GPR21: variants seen among roughly 807,000 people sequenced by gnomAD.
The protein encoded by GPR21 is probable G protein-coupled receptor 21.
In GPR21, 9 loss-of-function variants were observed where a neutral mutation model predicts 21.5. That is an observed-to-expected ratio of 0.42 (90% CI 0.25 to 0.73). GPR21 has a LOEUF of 0.73. GPR21 is among the 30% of genes least tolerant of loss of function. The pLI, the probability that GPR21 is intolerant of heterozygous loss-of-function variation, is 0.27. For missense variants in GPR21, 416 were observed against 428.9 expected, an observed-to-expected ratio of 0.97 and a Z score of 0.27; for synonymous variants, 169 against 159.3, an observed-to-expected ratio of 1.06 and a Z score of -0.46.
Position 123,035,011 on chromosome 9 carries a change from T to C in GPR21, c.445T>C (p.Cys149Arg), listed in dbSNP as rs2131993906. ...GGTTACACCCTGGAGACTACGCCTG[T>C]GTATTTTCCTGATTTGGCTATACTC... is the stretch of plus-strand genomic sequence containing the variant. Reference protein sequence around the residue: ...TLVTPWRLRLCIFLIWLYSTL... With the variant: ...TLVTPWRLRLRIFLIWLYSTL... Residue 149 changes from cysteine (C) to arginine (R), a missense_variant, in exon 2 of 2, where the codon TGT becomes CGT. By Grantham distance (180) the Cys-to-Arg change is radical (BLOSUM62 -3). Coordinates refer to ENST00000616002, the MANE Select transcript of GPR21 (RefSeq NM_005294.3). 1 of 1,613,606 alleles carries C rather than the reference T, an allele frequency of 6.2e-7. No homozygotes were observed. The highest frequency in any genetic ancestry group is 2.2e-5 in the East Asian group (1 of 44,884).
chr9:123,035,373 C>T lies in GPR21; in HGVS notation c.807C>T (p.Ile269=), dbSNP rs1406414357. ...SVFYILWLPY[I]IYFLLESSTG... is the part of the protein sequence containing the mutation. ...TTTACATCCTCTGGTTGCCATATAT[C>T]ATCTACTTCTTGTTGGAAAGCTCCA... is the stretch of plus-strand genomic sequence containing the variant. Residue 269 remains isoleucine, a synonymous_variant, in exon 2 of 2, where the codon ATC becomes ATT. Coordinates refer to ENST00000616002, the MANE Select transcript of GPR21 (RefSeq NM_005294.3). 6.2e-7 allele frequency: 1 copy of T among 1,614,074 alleles called. No individual in the cohort carries two copies. Among genetic ancestry groups the T allele is most frequent in the Non-Finnish European group, 8.5e-7 (1 of 1,179,952 alleles).
the GPR21 span, among the ~76,000 whole-genome samples, chr9:123,044,138 C>T: frequency 4.4e-4 from 67 of 152,096 alleles, no homozygotes; most frequent in African/African-American, 1.5e-3. Flanking sequence ...CTTCTGACCT[C>T]GTGATCCGCC....
chr9:123,038,757 ATAT>A (rs1173673394), downstream of GPR21, among the ~76,000 whole-genome samples: 1 of 151,156 alleles, frequency 6.6e-6, no homozygotes, highest in Non-Finnish European at 1.5e-5. Flanking sequence ...TTAAATTTAT[ATAT>A]TATTAATATT....
At position 123,035,633 on chromosome 9, in the gene GPR21, G is replaced by C; in HGVS notation, c.*17G>C. On this transcript the variant is annotated 3_prime_UTR_variant, in exon 2 of 2. Transcript: ENST00000616002. ...CATATCTGAAGTGGCTCAGTTACGG[G>C]GTTCCCGTGTGTGTGTGTGTGTGTG... 2 of 1,403,568 alleles carry C rather than the reference G, an allele frequency of 1.4e-6. No individual in the cohort carries two copies. Among genetic ancestry groups the C allele is most frequent in the South Asian group, 2.6e-5 (2 of 77,814 alleles). The allele number at this position is 1,403,568 out of a possible 1,614,324, so 86.9% of individuals were successfully genotyped here.
chr9:123,040,588 G>A (rs547786448), downstream of GPR21, among the ~76,000 whole-genome samples: 2 of 152,218 alleles, frequency 1.3e-5, no homozygotes, highest in Non-Finnish European at 2.9e-5. Context: ...CTGCAAGCCT[G>A]CAACTCATTC....
chr9:123,038,434 C>T (rs1428270592), downstream of GPR21, among the ~76,000 whole-genome samples: 1 of 152,110 alleles, frequency 6.6e-6, no homozygotes, highest in African/African-American at 2.4e-5. Context: ...CAGGGTTAGA[C>T]TCCCAGATGG....
Position 123,034,697 on chromosome 9 carries a change from CT to C in GPR21, c.132del (p.Gly45AlafsTer5), listed in dbSNP as rs759583338. 8 of 1,613,190 alleles carry C rather than the reference CT, an allele frequency of 5.0e-6. No homozygotes were observed. In the East Asian group the frequency reaches 1.8e-4, roughly 36 times the overall value. The stretch of plus-strand genomic sequence containing the variant: ...GTCTTTCTAACTGTATTGATTATTT[CT>C]GGCAACATCATTGTGATTTTTGTAT... The part of the protein sequence containing the change: ...IIVFLTVLII[S>X]GNIIVIFVFH... On this transcript the variant is annotated frameshift_variant, in exon 2 of 2. Transcript: ENST00000616002. LOFTEE classifies it high-confidence loss of function.
chr9:123,036,931 A>G (rs2032694770), downstream of GPR21, among the ~76,000 whole-genome samples: 1 of 152,094 alleles, frequency 6.6e-6, no homozygotes. Context: ...TTTGTTCTTA[A>G]AAGTGATTAT....
At position 123,035,135 on chromosome 9, in the gene GPR21, A is replaced by G. The variant is rs1415151972; in HGVS notation, c.569A>G (p.Tyr190Cys). The G allele has an allele frequency of 1.9e-6, 3 of 1,613,826 alleles. No individual in the cohort carries two copies. Among genetic ancestry groups the G allele is most frequent in the Non-Finnish European group, 1.7e-6 (2 of 1,179,788 alleles). ...WCAESWHTDS[Y>C]FTLFIVMMLY... ...GCGGAGTCCTGGCACACCGACTCCTACTTCACCCTGTTCATCGTGATGATG... is the reference window on the plus strand; with the variant it reads ...GCGGAGTCCTGGCACACCGACTCCTGCTTCACCCTGTTCATCGTGATGATG... The change falls in exon 2 of 2, where the codon TAC becomes TGC. Residue 190 changes from tyrosine to cysteine, a missense_variant. Coordinates refer to ENST00000616002, the MANE Select transcript of GPR21 (RefSeq NM_005294.3).
the GPR21 span, among the ~76,000 whole-genome samples, chr9:123,044,886 C>A: frequency 3.3e-5 from 5 of 152,066 alleles, no homozygotes; most frequent in African/African-American, 1.2e-4. Context: ...AATGAGATTT[C>A]GTAAAGTATC....
chr9:123,037,789 TG>T (rs1041097715), downstream of GPR21, among the ~76,000 whole-genome samples: 41 of 152,238 alleles, frequency 2.7e-4, no homozygotes, highest in African/African-American at 7.2e-4. Context: ...CTTTAGTGGC[TG>T]GGGGTGTTTT....
Position 123,035,180 on chromosome 9 carries a change from T to C in GPR21, c.614T>C (p.Leu205Pro). 1 of 1,613,944 alleles carries C rather than the reference T, an allele frequency of 6.2e-7. No individual in the cohort carries two copies. Among genetic ancestry groups the C allele is most frequent in the Non-Finnish European group, 8.5e-7 (1 of 1,179,820 alleles). Residue 205 changes from leucine (L) to proline (P), a missense_variant, in exon 2 of 2, where the codon CTT becomes CCT. Transcript: ENST00000616002. ...ATGATGTTATATGCCCCAGCAGCCC[T>C]TATTGTCTGCTTCACCTATTTCAAC... Reference protein sequence around the residue: ...IVMMLYAPAALIVCFTYFNIF... With the variant: ...IVMMLYAPAAPIVCFTYFNIF...
the GPR21 span, among the ~76,000 whole-genome samples, chr9:123,047,015 C>T: frequency 3.3e-5 from 5 of 152,292 alleles, no homozygotes; most frequent in Admixed American, 6.5e-5. Context: ...CCTTTAGACT[C>T]AGTCATTCCA....
the GPR21 span, among the ~76,000 whole-genome samples, chr9:123,044,848 C>T: frequency 2.6e-5 from 4 of 152,056 alleles, no homozygotes; most frequent in Non-Finnish European, 5.9e-5. Context: ...TAGTCTGATT[C>T]CTCTCCTCAC....
chr9:123,047,495 A>C, the GPR21 span, among the ~76,000 whole-genome samples: 12 of 152,170 alleles, frequency 7.9e-5, no homozygotes, highest in African/African-American at 2.9e-4. Context: ...GCTTGGGATT[A>C]TTTCCTATGT....
chr9:123,046,656 A>G, the GPR21 span, among the ~76,000 whole-genome samples: 1 of 152,236 alleles, frequency 6.6e-6, no homozygotes, highest in African/African-American at 2.4e-5. Flanking sequence ...TGCAGTAAGC[A>G]CTCAGTACAT....
At chr9:123,037,151 A>G (rs996263388), downstream of GPR21, among the ~76,000 whole-genome samples, 1 of 152,276 alleles carries the variant, frequency 6.6e-6, no homozygotes. Context: ...CCCAGGGGAC[A>G]TGGGTTAAAG....
chr9:123,034,637 C>A lies in GPR21; in HGVS notation c.71C>A (p.Thr24Asn). Residue 24 changes from threonine to asparagine, a missense_variant, in exon 2 of 2, where the codon ACT becomes AAT. By Grantham distance (65) the Thr-to-Asn change is moderately conservative (BLOSUM62 0). Coordinates refer to ENST00000616002, the MANE Select transcript of GPR21 (RefSeq NM_005294.3). The stretch of plus-strand genomic sequence containing the variant: ...CTCTTGGCATTTGGCTATTTGGAAA[C>A]TGTCAATTTTTGCCTTTTGGAAGTA... The part of the protein sequence containing the change: ...FCLLAFGYLE[T>N]VNFCLLEVLI... 1 of 1,613,672 alleles carries A rather than the reference C, an allele frequency of 6.2e-7. No individual in the cohort carries two copies. The highest frequency in any genetic ancestry group is 8.5e-7 in the Non-Finnish European group (1 of 1,179,600).
chr9:123,044,841 T>C, the GPR21 span, among the ~76,000 whole-genome samples: 1 of 152,112 alleles, frequency 6.6e-6, no homozygotes. Flanking sequence ...ATTCCTATAG[T>C]CTGATTCCTC....
Sources: gnomAD v4.1 joint callset for allele counts (sites outside exome capture counted in the v4.1 genomes callset) on GRCh38, gnomAD v4.1.1 for gene constraint, MANE v1.5 for transcripts, NCBI Gene and HGNC (gene_info 2026-07-23, HGNC 2026-07-21) for gene names.